Variants in FAM83B observed in about 807,000 individuals in gnomAD.
FAM83B encodes scaffolding CK1 anchoring protein B.
Under a neutral mutation model 38.8 loss-of-function variants are expected in FAM83B, and 26 were observed. The ratio of observed to expected loss-of-function variants is 0.67; its 90% CI spans 0.49 to 0.93. The LOEUF (loss-of-function observed/expected upper bound fraction) is 0.93. FAM83B is among the 40% of genes least tolerant of loss of function. The probability of loss-of-function intolerance (pLI) is 0.00; values close to 1 mark genes in which losing one functional copy is unlikely to be tolerated. For missense variants in FAM83B, 1,237 were observed against 1,197.3 expected (o/e 1.03, Z -0.49); for synonymous variants, 419 against 423.1 (o/e 0.99, Z 0.12).
intron 2 of FAM83B, among the ~76,000 whole-genome samples, chr6:54,908,235 T>C (rs536359714): frequency 6.6e-6 from 1 of 152,154 alleles, no homozygotes; most frequent in East Asian, 1.9e-4. Context: ...TCGTTCACTC[T>C]CAAACTCCTT....
At chr6:54,899,457 TG>T (rs1772608280) in intron 2 of FAM83B, among the ~76,000 whole-genome samples, 1 of 152,236 alleles carries the variant, frequency 6.6e-6, no homozygotes, top group South Asian at 2.1e-4. Context: ...AACTTGTTTT[TG>T]TCAGTGTCTT....
chr6:54,941,737 G>A lies in FAM83B; in HGVS notation c.2766G>A (p.Glu922=), dbSNP rs1477574561. The stretch of plus-strand genomic sequence containing the variant: ...CTTCTCCAAGGCCAACGTCCAGTGA[G>A]CTTCTACGATCTCATTCAACTGATC... ...PTSSPRPTSS[E]LLRSHSTDRR... is the part of the protein sequence containing the mutation. Residue 922 remains glutamate (E), a synonymous_variant, in exon 5 of 5, where the codon GAG becomes GAA. Coordinates refer to ENST00000306858, the MANE Select transcript of FAM83B (RefSeq NM_001010872.3). The A allele has an allele frequency of 7.4e-6, 12 of 1,613,992 alleles. No homozygotes were observed. The highest frequency in any genetic ancestry group is 9.3e-6 in the Non-Finnish European group (11 of 1,180,024).
At chr6:54,876,393 G>A (rs1264849805) in intron 2 of FAM83B, among the ~76,000 whole-genome samples, 3 of 140,406 alleles carry the variant, frequency 2.1e-5, no homozygotes, top group African/African-American at 5.4e-5. Context: ...TCACAATCTC[G>A]GCTCACTGCA....
intron 1 of FAM83B, among the ~76,000 whole-genome samples, chr6:54,857,910 A>G (rs1771480003): frequency 6.6e-6 from 1 of 152,218 alleles, no homozygotes; most frequent in Non-Finnish European, 1.5e-5. Context: ...GGAGCATTCC[A>G]GGTGGATGGA....
Position 54,888,724 on chromosome 6 carries a change from A to C in FAM83B, c.444+18034A>C, listed in dbSNP as rs117721408. 9.1e-4 allele frequency among the ~76,000 whole-genome samples: 138 copies of C among 151,930 alleles called. 2 individuals are homozygous for C. In the East Asian group the frequency reaches 0.02, roughly 22 times the overall value. On this transcript the variant is annotated intron_variant, in intron 2 of 4. Transcript: ENST00000306858. Reference sequence around the variant, plus strand: ...TTTAACATGATGTAACTAGGGGAACAGTTTTTAAATTTTTTTTTTCTCCTT... The same window carrying C: ...TTTAACATGATGTAACTAGGGGAACCGTTTTTAAATTTTTTTTTTCTCCTT...
At chr6:54,920,276 T>C (rs1301535518) in intron 2 of FAM83B, among the ~76,000 whole-genome samples, 1 of 151,868 alleles carries the variant, frequency 6.6e-6, no homozygotes, top group Non-Finnish European at 1.5e-5. Flanking sequence ...ATTTAATTCT[T>C]AAAAGTTTTT....
chr6:54,889,994 C>A (rs1772363691), intron 2 of FAM83B, among the ~76,000 whole-genome samples: 1 of 151,948 alleles, frequency 6.6e-6, no homozygotes, highest in South Asian at 2.1e-4. Context: ...TTATGTTAAA[C>A]TTGTTTAAAA....
intron 1 of FAM83B, among the ~76,000 whole-genome samples, chr6:54,867,391 TGC>T (rs1771736238): frequency 6.6e-6 from 1 of 152,046 alleles, no homozygotes; most frequent in Non-Finnish European, 1.5e-5. Context: ...AAGTATTCCA[TGC>T]AAATAGCTCT....
chr6:54,903,739 C>A (rs1427960460), intron 2 of FAM83B, among the ~76,000 whole-genome samples: 17 of 151,546 alleles, frequency 1.1e-4, no homozygotes, highest in Admixed American at 1.1e-3. Context: ...TTCTACATAC[C>A]TTTCTACTTG....
intron 2 of FAM83B, among the ~76,000 whole-genome samples, chr6:54,925,682 AAC>A (rs1190427271): frequency 6.6e-6 from 1 of 152,086 alleles, no homozygotes; most frequent in Admixed American, 6.6e-5. Flanking sequence ...TTTTCAACCA[AAC>A]ATGTATAAAA....
At chr6:54,935,920 G>A (rs1773514997) in intron 4 of FAM83B, among the ~76,000 whole-genome samples, 1 of 152,020 alleles carries the variant, frequency 6.6e-6, no homozygotes, top group Admixed American at 6.6e-5. Flanking sequence ...AGCAATACTA[G>A]GGAAGGAATA....
chr6:54,922,758 G>A (rs551020830), intron 2 of FAM83B, among the ~76,000 whole-genome samples: 30 of 152,028 alleles, frequency 2.0e-4, no homozygotes, highest in Admixed American at 5.2e-4. Flanking sequence ...TGTAATTAGC[G>A]TAAATAAAAT....
intron 2 of FAM83B, among the ~76,000 whole-genome samples, chr6:54,895,353 C>T (rs1435453740): frequency 6.6e-6 from 1 of 152,132 alleles, no homozygotes; most frequent in East Asian, 1.9e-4. Flanking sequence ...ATTATTTTAG[C>T]CTTGCATAAA....
intron 1 of FAM83B, among the ~76,000 whole-genome samples, chr6:54,861,888 AC>A (rs1771594207): frequency 6.6e-6 from 1 of 152,126 alleles, no homozygotes; most frequent in Admixed American, 6.5e-5. Flanking sequence ...CCCCATGCCT[AC>A]CTGTGGGAGT....
At chr6:54,923,822 T>C (rs187843503) in intron 2 of FAM83B, among the ~76,000 whole-genome samples, 1 of 152,068 alleles carries the variant, frequency 6.6e-6, no homozygotes, top group East Asian at 1.9e-4. Flanking sequence ...AGATGACCAG[T>C]TACTAGTCTT....
intron 1 of FAM83B, among the ~76,000 whole-genome samples, chr6:54,869,689 A>AC (rs1771798609): frequency 1.3e-5 from 2 of 152,104 alleles, no homozygotes; most frequent in South Asian, 4.1e-4. Context: ...ATTGATCTCT[A>AC]CTTGCTTTTA....
At chr6:54,927,383 G>GTTT in intron 3 of FAM83B, 125 bp from the exon 4 acceptor site, 1 of 611,088 alleles carries the variant, frequency 1.6e-6, no homozygotes, top group Non-Finnish European at 2.5e-6. Flanking sequence ...ATATTTGGGA[G>GTTT]TTTTTTTTTT....
intron 2 of FAM83B, among the ~76,000 whole-genome samples, chr6:54,898,106 G>T (rs13203892): frequency 0.012 from 1,755 of 152,090 alleles, 15 homozygotes; most frequent in Middle Eastern, 0.024. Flanking sequence ...CTCCCCTTTT[G>T]GGTGTTAGCT....
chr6:54,857,207 G>T (rs1771465136), intron 1 of FAM83B, among the ~76,000 whole-genome samples: 1 of 152,102 alleles, frequency 6.6e-6, no homozygotes, highest in Non-Finnish European at 1.5e-5. Context: ...TTAAAAGTTG[G>T]TATTGGAACA....
Sources: gnomAD v4.1 joint callset for allele counts (sites outside exome capture counted in the v4.1 genomes callset) on GRCh38, gnomAD v4.1.1 for gene constraint, MANE v1.5 for transcripts, NCBI Gene and HGNC (gene_info 2026-07-23, HGNC 2026-07-21) for gene names.